Variants in CDC42SE2 observed in about 807,000 individuals in gnomAD.
CDC42SE2 encodes the protein CDC42 small effector protein 2.
CDC42SE2 carries 3 observed loss-of-function variants against 11.5 expected under a neutral mutation model. That is an observed-to-expected ratio of 0.26 (90% CI 0.12 to 0.67). The LOEUF (loss-of-function observed/expected upper bound fraction) is 0.67, where lower values mean the gene tolerates loss of function less well. Ranked by LOEUF, CDC42SE2 falls within the 30% of genes least tolerant of loss-of-function variation. The pLI is 0.80. For missense variants in CDC42SE2, 82 were observed against 106.8 expected (o/e 0.77, Z 1.02); for synonymous variants, 33 against 34.8 (o/e 0.95, Z 0.18).
At chr5:131,220,038 C>A in the CDC42SE2 span, among the ~76,000 whole-genome samples, 1 of 152,060 alleles carries the variant, frequency 6.6e-6, no homozygotes, top group Non-Finnish European at 1.5e-5. Flanking sequence ...CACTCTAATT[C>A]CTCTATATTT....
At chr5:131,301,699 AG>A (rs1247767152) in intron 1 of CDC42SE2, among the ~76,000 whole-genome samples, 1 of 151,366 alleles carries the variant, frequency 6.6e-6, no homozygotes, top group Non-Finnish European at 1.5e-5. Context: ...TGGAGGTTGC[AG>A]TGAGCCAAGA....
chr5:131,212,085 G>A, the CDC42SE2 span, among the ~76,000 whole-genome samples: 1 of 151,708 alleles, frequency 6.6e-6, no homozygotes, highest in African/African-American at 2.4e-5. Flanking sequence ...ATCACCACAT[G>A]TGTGGCAGGG....
At chr5:131,265,521 A>C (rs1756841885) in intron 1 of CDC42SE2, among the ~76,000 whole-genome samples, 1 of 152,172 alleles carries the variant, frequency 6.6e-6, no homozygotes, top group Non-Finnish European at 1.5e-5. Flanking sequence ...TTCATTAAGC[A>C]CCTGTTTATG....
chr5:131,317,074 A>G (rs761153446), intron 2 of CDC42SE2, among the ~76,000 whole-genome samples: 2 of 152,220 alleles, frequency 1.3e-5, no homozygotes, highest in African/African-American at 4.8e-5. Flanking sequence ...TAAGTATTTG[A>G]AAAACCAATC....
In CDC42SE2 at chr5:131,394,190, C is replaced by A. The variant is rs781509814; in HGVS notation, c.*3099C>A. ...AAATAGGATTTTACTACTCAACATT[C>A]ATTATACTGTTAATCTTTGCTGAAA... On this transcript the variant is annotated 3_prime_UTR_variant, in exon 5 of 5. Transcript: ENST00000505065. 1.3e-5 allele frequency: 2 copies of A among 152,254 alleles called. No homozygotes were observed. Among genetic ancestry groups the A allele is most frequent in the African/African-American group, 2.4e-5 (1 of 41,424 alleles). 9.4% of individuals were successfully genotyped at this position (152,254 alleles called of 1,614,324 possible). A position where few individuals can be genotyped will look rare whatever the true frequency, so the allele number is the denominator to read the frequency against.
the CDC42SE2 span, among the ~76,000 whole-genome samples, chr5:131,236,055 C>G: frequency 2.0e-5 from 3 of 152,202 alleles, no homozygotes; most frequent in African/African-American, 7.2e-5. Flanking sequence ...TGAACTGTCA[C>G]TTCACATCGT....
At chr5:131,217,741 A>G in the CDC42SE2 span, among the ~76,000 whole-genome samples, 1 of 152,242 alleles carries the variant, frequency 6.6e-6, no homozygotes, top group Non-Finnish European at 1.5e-5. Flanking sequence ...ATTAAACTTA[A>G]TAACCTCTGT....
At chr5:131,386,140 T>A (rs569205746) in intron 4 of CDC42SE2, among the ~76,000 whole-genome samples, 12 of 152,330 alleles carry the variant, frequency 7.9e-5, no homozygotes, top group Non-Finnish European at 1.6e-4. Flanking sequence ...GGGGAAATGG[T>A]TTTGGGATGA....
At chr5:131,349,211 G>A (rs1281057798) in intron 2 of CDC42SE2, among the ~76,000 whole-genome samples, 2 of 151,994 alleles carry the variant, frequency 1.3e-5, no homozygotes, top group Admixed American at 6.6e-5. Flanking sequence ...GGATGAAGCT[G>A]GAAACCATCA....
chr5:131,366,686 GAA>G (rs1749867021), intron 3 of CDC42SE2, among the ~76,000 whole-genome samples: 1 of 152,006 alleles, frequency 6.6e-6, no homozygotes, highest in Non-Finnish European at 1.5e-5. Context: ...ATCTTTAAAA[GAA>G]AAATTAAATC....
At chr5:131,366,144 A>G (rs1159008027) in intron 3 of CDC42SE2, among the ~76,000 whole-genome samples, 2 of 152,170 alleles carry the variant, frequency 1.3e-5, no homozygotes, top group African/African-American at 2.4e-5. Flanking sequence ...AGGACTGACT[A>G]TTGCTATTTT....
At chr5:131,343,865 A>G (rs932818491) in intron 2 of CDC42SE2, among the ~76,000 whole-genome samples, 1 of 152,224 alleles carries the variant, frequency 6.6e-6, no homozygotes, top group Non-Finnish European at 1.5e-5. Flanking sequence ...TGGATATTAA[A>G]GAATGGAAGA....
chr5:131,331,672 A>G (rs1196361114), intron 2 of CDC42SE2, among the ~76,000 whole-genome samples: 2 of 152,202 alleles, frequency 1.3e-5, no homozygotes, highest in Non-Finnish European at 2.9e-5. Flanking sequence ...AGAACATACA[A>G]AAAGAACAGA....
the CDC42SE2 span, among the ~76,000 whole-genome samples, chr5:131,220,653 G>A: frequency 1.3e-5 from 2 of 152,094 alleles, no homozygotes; most frequent in East Asian, 1.9e-4. Flanking sequence ...CATTGTTTGC[G>A]ATCACAAAAT....
At chr5:131,335,383 C>A (rs1758531072) in intron 2 of CDC42SE2, among the ~76,000 whole-genome samples, 1 of 142,040 alleles carries the variant, frequency 7.0e-6, no homozygotes, top group South Asian at 2.1e-4. Flanking sequence ...TGCTTTACTT[C>A]CAAGTATGTG....
At chr5:131,312,319 G>A (rs934042321) in intron 1 of CDC42SE2, among the ~76,000 whole-genome samples, 10 of 152,132 alleles carry the variant, frequency 6.6e-5, no homozygotes, top group Admixed American at 3.3e-4. Flanking sequence ...CTCCAGCTGC[G>A]TGCTGGGAGT....
chr5:131,334,135 C>G (rs960345972), intron 2 of CDC42SE2, among the ~76,000 whole-genome samples: 1 of 152,018 alleles, frequency 6.6e-6, no homozygotes, highest in Non-Finnish European at 1.5e-5. Context: ...TGAGATATGT[C>G]CCATCAACAC....
chr5:131,335,376 T>C (rs1758530946), intron 2 of CDC42SE2, among the ~76,000 whole-genome samples: 1 of 151,238 alleles, frequency 6.6e-6, no homozygotes, highest in South Asian at 2.1e-4. Context: ...TGAGGAGTGC[T>C]TTACTTCCAA....
chr5:131,342,910 A>G (rs1217214401), intron 2 of CDC42SE2, among the ~76,000 whole-genome samples: 1 of 151,966 alleles, frequency 6.6e-6, no homozygotes, highest in Non-Finnish European at 1.5e-5. Context: ...ACGGGGTTTC[A>G]TTGTGTTGGC....
Sources: gnomAD v4.1 joint callset for allele counts (sites outside exome capture counted in the v4.1 genomes callset) on GRCh38, gnomAD v4.1.1 for gene constraint, MANE v1.5 for transcripts, NCBI Gene and HGNC (gene_info 2026-07-23, HGNC 2026-07-21) for gene names.